The following UBXN4 variants were observed in gnomAD, a reference collection of about 807,000 sequenced individuals.
The protein encoded by UBXN4 is UBX domain protein 4, also known as UBX domain-containing protein 4.
UBXN4 carries 35 observed loss-of-function variants against 66.2 expected under a neutral mutation model. That is an observed-to-expected ratio of 0.53 (90% CI 0.40 to 0.70). The LOEUF is 0.70. Ranked by LOEUF, UBXN4 falls within the 30% of genes least tolerant of loss-of-function variation. The pLI, the probability that UBXN4 is intolerant of heterozygous loss-of-function variation, is 0.00. For missense variants in UBXN4, 533 were observed against 599.8 expected (o/e 0.89, Z 1.16); for synonymous variants, 203 against 204.5 (o/e 0.99, Z 0.06).
At chr2:135,772,903 G>C (rs2077392096) in intron 9 of UBXN4, among the ~76,000 whole-genome samples, 1 of 152,114 alleles carries the variant, frequency 6.6e-6, no homozygotes, top group Non-Finnish European at 1.5e-5. Flanking sequence ...TGGGCATGGT[G>C]GCGGGCGCCT....
intron 6 of UBXN4, among the ~76,000 whole-genome samples, chr2:135,766,014 G>A (rs1227876601): frequency 6.6e-6 from 1 of 152,080 alleles, no homozygotes; most frequent in Non-Finnish European, 1.5e-5. Context: ...TTACCCGGAC[G>A]TAGTGGTGGG....
At chr2:135,753,324 A>G (rs1425425910) in intron 2 of UBXN4, among the ~76,000 whole-genome samples, 1 of 152,222 alleles carries the variant, frequency 6.6e-6, no homozygotes, top group South Asian at 2.1e-4. Context: ...ATGCCAAGCC[A>G]CAAATAATTC....
At chr2:135,753,732 G>A in intron 3 of UBXN4, 165 bp downstream of exon 3, 1 of 615,674 alleles carries the variant, frequency 1.6e-6, no homozygotes, top group Non-Finnish European at 2.6e-6. Context: ...TGTTATTATA[G>A]GAAATTTCAA....
chr2:135,756,801 G>T (rs1294894795), intron 5 of UBXN4, among the ~76,000 whole-genome samples: 1 of 152,070 alleles, frequency 6.6e-6, no homozygotes, highest in African/African-American at 2.4e-5. Flanking sequence ...TATGTGAAAT[G>T]ACTTTGTTTT....
At position 135,785,049 on chromosome 2, in the gene UBXN4, A is replaced by C. The variant is rs2077475693; in HGVS notation, c.*2162A>C. The C allele has an allele frequency of 6.6e-6, 1 of 152,192 alleles. No individual in the cohort carries two copies. Among genetic ancestry groups the C allele is most frequent in the South Asian group, 2.1e-4 (1 of 4,832 alleles). 9.4% of individuals were successfully genotyped at this position (152,192 alleles called of 1,614,324 possible). Reference sequence around the variant, plus strand: ...CTTTATTTTTTAAATAAATGGGATCATATTATATATTCTACCTTGCATCTT... The same window carrying C: ...CTTTATTTTTTAAATAAATGGGATCCTATTATATATTCTACCTTGCATCTT... On this transcript the variant is annotated 3_prime_UTR_variant, in exon 13 of 13. Transcript: ENST00000272638.
intron 5 of UBXN4, among the ~76,000 whole-genome samples, chr2:135,758,177 C>T (rs371181920): frequency 2.6e-5 from 4 of 151,484 alleles, no homozygotes; most frequent in South Asian, 4.2e-4. Flanking sequence ...TAGGTTCAAG[C>T]GATTCTCCTG....
chr2:135,746,440 A>T (rs1260736133), intron 1 of UBXN4, among the ~76,000 whole-genome samples: 1 of 152,212 alleles, frequency 6.6e-6, no homozygotes, highest in South Asian at 2.1e-4. Flanking sequence ...AAACATAATT[A>T]AAAATGCATA....
At chr2:135,776,432 T>A (rs898448698) in intron 10 of UBXN4, 81 bp downstream of exon 10, 1 of 1,248,562 alleles carries the variant, frequency 8.0e-7, no homozygotes. Context: ...AAAGCAGAAG[T>A]TGAATGTGAG....
chr2:135,782,066 A>C (rs1019655212), intron 12 of UBXN4, among the ~76,000 whole-genome samples: 1 of 152,218 alleles, frequency 6.6e-6, no homozygotes, highest in Non-Finnish European at 1.5e-5. Context: ...CAGAGGGGAC[A>C]CCCTGTCTCA....
rs568046749 is a variant in UBXN4 at position 135,742,031 on chromosome 2, G to C, written c.82+20G>C. 204 of 1,610,980 alleles carry C rather than the reference G, an allele frequency of 1.3e-4. 2 individuals are homozygous for C. The East Asian group carries it at 4.4e-3, about 35-fold the overall frequency. ...TGGCAGGTGAAGGAGGCAGGGGTTC[G>C]AGAGGCGGCCGGGACACCCCTCCGG... On this transcript the variant is annotated intron_variant, in intron 1 of 12. Transcript: ENST00000272638.
chr2:135,754,265 C>A lies in UBXN4; in HGVS notation c.321C>A (p.His107Gln), dbSNP rs373817095. 29 of 1,611,990 alleles carry A rather than the reference C, an allele frequency of 1.8e-5. No individual in the cohort carries two copies. The highest frequency in any genetic ancestry group is 2.4e-5 in the Non-Finnish European group (28 of 1,178,360). The part of the protein sequence containing the change: ...VSADELVTRI[H>Q]KVRQMHLLKS... ...CAGATGAACTTGTTACAAGAATTCA[C>A]AAGGTCCGACAGGTAAGAAGGAACA... is the stretch of plus-strand genomic sequence containing the variant. The change falls in exon 4 of 13, where the codon CAC becomes CAA. Residue 107 changes from histidine (H) to glutamine (Q), a missense_variant. By Grantham distance (24) the His-to-Gln change is conservative. This residue lies in a region of UBXN4 where 529 missense variants were observed against 580.1 expected (regional missense o/e 0.91). Transcript: ENST00000272638.
At chr2:135,750,895 G>A (rs1251006386) in intron 2 of UBXN4, among the ~76,000 whole-genome samples, 14 of 127,330 alleles carry the variant, frequency 1.1e-4, no homozygotes, top group South Asian at 2.7e-4. Context: ...TTGCTCTGTC[G>A]CCCAGGCTGG....
At chr2:135,763,192 T>C (rs1575319092) in intron 6 of UBXN4, among the ~76,000 whole-genome samples, 1 of 152,332 alleles carries the variant, frequency 6.6e-6, no homozygotes, top group Middle Eastern at 3.4e-3. Context: ...GCGTATGTAA[T>C]ATTCCCATTC....
intron 1 of UBXN4, among the ~76,000 whole-genome samples, chr2:135,744,562 G>T (rs2077195100): frequency 6.6e-6 from 1 of 152,066 alleles, no homozygotes; most frequent in Admixed American, 6.5e-5. Context: ...AATGATAGAC[G>T]CCATTTTCTG....
intron 4 of UBXN4, 117 bp from the exon 5 acceptor site, chr2:135,755,400 G>A (rs1215623380): frequency 4.1e-6 from 3 of 730,720 alleles, no homozygotes; most frequent in East Asian, 3.4e-5. Context: ...ATCTATTTAT[G>A]AGCATTTCGT....
chr2:135,770,016 A>G (rs192310071), intron 7 of UBXN4, among the ~76,000 whole-genome samples, 193 bp downstream of exon 7: 43 of 152,286 alleles, frequency 2.8e-4, no homozygotes, highest in Non-Finnish European at 2.9e-4. Flanking sequence ...GTAAATTACT[A>G]TGAATAAATT....
At chr2:135,742,127 G>C (rs1228404632) in intron 1 of UBXN4, 116 bp downstream of exon 1, 2 of 1,252,012 alleles carry the variant, frequency 1.6e-6, no homozygotes, top group African/African-American at 1.5e-5. Flanking sequence ...CTGTCGGCTC[G>C]CACAATTGCC....
chr2:135,776,306 C>T lies in UBXN4; in HGVS notation c.1008C>T (p.Phe336=). The T allele has an allele frequency of 6.2e-7, 1 of 1,613,988 alleles. No individual in the cohort carries two copies. The highest frequency in any genetic ancestry group is 1.1e-5 in the South Asian group (1 of 91,064). ...LPDGSSFTNQ[F]PSDAPLEEAR... ...ATGGTTCTTCCTTTACAAATCAGTTCCCTTCTGATGCTCCTCTAGAAGAGG... is the reference window on the plus strand; with the variant it reads ...ATGGTTCTTCCTTTACAAATCAGTTTCCTTCTGATGCTCCTCTAGAAGAGG... The change falls in exon 10 of 13, where the codon TTC becomes TTT. Residue 336 remains phenylalanine, a synonymous_variant. Transcript: ENST00000272638.
At chr2:135,757,893 G>A (rs2077287884) in intron 5 of UBXN4, among the ~76,000 whole-genome samples, 1 of 151,824 alleles carries the variant, frequency 6.6e-6, no homozygotes, top group South Asian at 2.1e-4. Context: ...GACCCGCCTG[G>A]ACAACACGGC....
Sources: gnomAD v4.1 joint callset for allele counts (sites outside exome capture counted in the v4.1 genomes callset) on GRCh38, gnomAD v4.1.1 for gene constraint, gnomAD v4.1.1 regional missense constraint, MANE v1.5 for transcripts, NCBI Gene and HGNC (gene_info 2026-07-23, HGNC 2026-07-21) for gene names.